NTAN1: variants seen among roughly 807,000 people sequenced by gnomAD.
The protein encoded by NTAN1 is protein N-terminal asparagine amidohydrolase.
Under a neutral mutation model 41.9 loss-of-function variants are expected in NTAN1, and 32 were observed. That is an observed-to-expected ratio of 0.76 (90% CI 0.58 to 1.03). NTAN1 has a LOEUF of 1.03. Among genes scored for constraint, NTAN1 ranks in the 50% least tolerant of loss-of-function variants. The probability of loss-of-function intolerance (pLI) is 0.00; values close to 1 mark genes in which losing one functional copy is unlikely to be tolerated. For missense variants in NTAN1, 377 were observed against 377.5 expected (o/e 1.00, Z 0.01); for synonymous variants, 140 against 139.5 (o/e 1.00, Z -0.03).
chr16:15,041,068 C>G lies in NTAN1; in HGVS notation c.541G>C (p.Ala181Pro), dbSNP rs778360487. 1 of 1,595,662 alleles carries G rather than the reference C, an allele frequency of 6.3e-7. No individual in the cohort carries two copies. Among genetic ancestry groups the G allele is most frequent in the Non-Finnish European group, 8.6e-7 (1 of 1,163,064 alleles). The change falls in exon 7 of 10, where the codon GCT (alanine) becomes CCT (proline). Residue 181 changes from alanine (A) to proline (P), a missense_variant and splice_region_variant. By Grantham distance (27) the Ala-to-Pro change is conservative (BLOSUM62 -1). Transcript: ENST00000287706. The part of the protein sequence containing the change: ...ENHFPVIYGI[A>P]VNIKTAEIYR... The stretch of plus-strand genomic sequence containing the variant: ...CCCACAAAAGATGCACACTACTTAC[C>G]AATGCCATATATTACTGGAAAGTGG...
chr16:15,045,737 T>C (rs34955778), intron 4 of NTAN1: 59,508 of 152,180 alleles, frequency 0.39, 12,372 homozygotes, highest in Admixed American at 0.51. Flanking sequence ...CTAACTTTCT[T>C]GAACCCAGTG....
rs2151741139 is a variant in NTAN1, at chr16:15,055,994, G to A, written c.-23C>T. 8.4e-7 allele frequency: 1 copy of A among 1,188,166 alleles called. No homozygotes were observed. The highest frequency in any genetic ancestry group is 1.0e-6 in the Non-Finnish European group (1 of 955,578). The allele number at this position is 1,188,166 out of a possible 1,614,324, so 73.6% of individuals were successfully genotyped here. On this transcript the variant is annotated 5_prime_UTR_variant, in exon 1 of 10. Transcript: ENST00000287706. The stretch of plus-strand genomic sequence containing the variant: ...CATCGCGGAGGCGGCCGCCCAGGCA[G>A]GCCCAGGGAGGCGGCGGCCCCCCGC...
At position 15,048,089 on chromosome 16, in the gene NTAN1, C is replaced by G; in HGVS notation, c.92G>C (p.Arg31Thr). ...RAHPPLEERA[R>T]LLRGQSVQQV... ...TTGAACAGACTGACCTCTGAGAAGT[C>G]TGGCTCTTTCCTGTTTAATTAAAAA... Residue 31 changes from arginine to threonine, a missense_variant, in exon 2 of 10, where the codon AGA (arginine) becomes ACA (threonine). By Grantham distance (71) the Arg-to-Thr change is moderately conservative. Coordinates refer to ENST00000287706, the MANE Select transcript of NTAN1 (RefSeq NM_173474.4). 2 of 1,598,358 alleles carry G rather than the reference C, an allele frequency of 1.3e-6. No homozygotes were observed. The highest frequency in any genetic ancestry group is 1.7e-6 in the Non-Finnish European group (2 of 1,169,596).
rs1597833258 is a variant in NTAN1, at chr16:15,055,915, G to A, written c.57C>T (p.Leu19=). The A allele has an allele frequency of 3.2e-6, 4 of 1,232,378 alleles. No individual in the cohort carries two copies. Among genetic ancestry groups the A allele is most frequent in the Non-Finnish European group, 4.1e-6 (4 of 987,472 alleles). The allele number at this position is 1,232,378 out of a possible 1,614,324, so 76.3% of individuals were successfully genotyped here. ...RVRLPQSAGD[L]VRAHPPLEER... ...CCTCCAAAGGCGGGTGGGCTCGGAC[G>A]AGGTCCCCGGCTGACTGCGGCAGCC... is the stretch of plus-strand genomic sequence containing the variant. Residue 19 remains leucine, a synonymous_variant, in exon 1 of 10, where the codon CTC becomes CTT. Coordinates refer to ENST00000287706, the MANE Select transcript of NTAN1 (RefSeq NM_173474.4).
intron 7 of NTAN1, 128 bp downstream of exon 7, chr16:15,040,940 C>T (rs759500778): frequency 3.0e-5 from 21 of 708,672 alleles, no homozygotes; most frequent in Non-Finnish European, 4.6e-5. Flanking sequence ...AGCAGATGTT[C>T]GGAGTAGCTG....
At chr16:15,041,703 G>C (rs374878101) in intron 5 of NTAN1, 27 bp from the exon 6 acceptor site, 1 of 1,558,676 alleles carries the variant, frequency 6.4e-7, no homozygotes, top group Non-Finnish European at 8.9e-7. Context: ...AAGACCAGAA[G>C]TCAGAAAAGT....
At chr16:15,040,742 G>A (rs1218185369) in intron 7 of NTAN1, among the ~76,000 whole-genome samples, 2 of 152,154 alleles carry the variant, frequency 1.3e-5, no homozygotes, top group East Asian at 1.9e-4. Flanking sequence ...AGAAAAGCAC[G>A]CCGGGCCTGG....
chr16:15,040,544 G>C (rs1374282599), intron 7 of NTAN1: 2 of 174,320 alleles, frequency 1.1e-5, no homozygotes, highest in African/African-American at 2.4e-5. Context: ...CTCGGAAATA[G>C]AGCCGATTCC....
chr16:15,049,751 G>T (rs188560088), intron 1 of NTAN1, among the ~76,000 whole-genome samples: 3 of 152,296 alleles, frequency 2.0e-5, no homozygotes, highest in South Asian at 2.1e-4. Context: ...ATGGCAAAAA[G>T]CTGGGAGCAG....
At chr16:15,052,495 G>C (rs1197423825) in intron 1 of NTAN1, among the ~76,000 whole-genome samples, 2 of 152,146 alleles carry the variant, frequency 1.3e-5, no homozygotes, top group African/African-American at 4.8e-5. Context: ...ATAAACAGGA[G>C]AGGGGCATGA....
intron 9 of NTAN1, 114 bp downstream of exon 9, chr16:15,038,459 AG>A: frequency 1.5e-6 from 1 of 667,252 alleles, no homozygotes; most frequent in South Asian, 1.9e-5. Flanking sequence ...GCATCCAAAA[AG>A]TTACTACCCG....
chr16:15,048,077 C>A lies in NTAN1; in HGVS notation c.104G>T (p.Gly35Val), dbSNP rs2044147719. 6.2e-7 allele frequency: 1 copy of A among 1,607,888 alleles called. No homozygotes were observed. The highest frequency in any genetic ancestry group is 1.7e-5 in the Admixed American group (1 of 59,800). Residue 35 changes from glycine to valine, a missense_variant, in exon 2 of 10, where the codon GGT becomes GTT. Gly to Val is a moderately radical substitution (Grantham distance 109, BLOSUM62 -3). Transcript: ENST00000287706. ...PLEERARLLR[G>V]QSVQQVGPQG... is the part of the protein sequence containing the mutation. Reference sequence around the variant, plus strand: ...GGGTCCCACTTGTTGAACAGACTGACCTCTGAGAAGTCTGGCTCTTTCCTG... The same window carrying A: ...GGGTCCCACTTGTTGAACAGACTGAACTCTGAGAAGTCTGGCTCTTTCCTG...
intron 1 of NTAN1, among the ~76,000 whole-genome samples, chr16:15,050,365 G>T (rs2044247240): frequency 6.6e-6 from 1 of 152,200 alleles, no homozygotes; most frequent in Non-Finnish European, 1.5e-5. Flanking sequence ...AGACAGTTTT[G>T]CAGTCTTAGT....
chr16:15,037,943 C>A lies in NTAN1; in HGVS notation c.*88G>T. The A allele has an allele frequency of 3.3e-6, 3 of 903,946 alleles. No homozygotes were observed. Among genetic ancestry groups the A allele is most frequent in the Non-Finnish European group, 3.5e-6 (2 of 575,192 alleles). The allele number at this position is 903,946 out of a possible 1,614,324, so 56.0% of individuals were successfully genotyped here. On this transcript the variant is annotated 3_prime_UTR_variant, in exon 10 of 10. Transcript: ENST00000287706. ...GGAGGGAAGGAGGCCTAAGACCCAA[C>A]AGATGTAGGATCCAGATCTGGATTC...
intron 4 of NTAN1, chr16:15,047,159 C>T (rs8050143): frequency 8.7e-6 from 4 of 462,232 alleles, no homozygotes; most frequent in African/African-American, 5.9e-5. Context: ...GAGAGCAAAA[C>T]GATGTGAAAA....
intron 6 of NTAN1, 82 bp downstream of exon 6, chr16:15,041,541 G>A (rs927048805): frequency 2.0e-5 from 18 of 912,438 alleles, no homozygotes; most frequent in Middle Eastern, 2.1e-4. Context: ...AGTGTGTGCC[G>A]GTGCTTGGGC....
intron 1 of NTAN1, among the ~76,000 whole-genome samples, chr16:15,053,634 G>C (rs1047698636): frequency 2.6e-5 from 4 of 152,090 alleles, no homozygotes; most frequent in Non-Finnish European, 4.4e-5. Context: ...ATCCAGGCCA[G>C]GTGGAGTGGC....
intron 4 of NTAN1, chr16:15,046,112 G>A (rs1713315277): frequency 6.6e-6 from 1 of 152,280 alleles, no homozygotes; most frequent in Non-Finnish European, 1.5e-5. Context: ...TCCCCCTGCG[G>A]GGGCCAAGAT....
chr16:15,052,466 G>A (rs1280635101), intron 1 of NTAN1, among the ~76,000 whole-genome samples: 1 of 152,118 alleles, frequency 6.6e-6, no homozygotes, highest in Non-Finnish European at 1.5e-5. Context: ...CTGCTGTCCT[G>A]TTTATCAATT....
Sources: allele counts gnomAD v4.1 joint callset (sites outside exome capture counted in the v4.1 genomes callset), GRCh38; gene constraint gnomAD v4.1.1; transcripts MANE v1.5; gene names NCBI Gene and HGNC (gene_info 2026-07-23, HGNC 2026-07-21).